The following SPIRE2 variants were observed in gnomAD, a reference collection of about 807,000 sequenced individuals.
SPIRE2 encodes protein spire homolog 2.
Under a neutral mutation model 80.7 loss-of-function variants are expected in SPIRE2, and 76 were observed. The observed-to-expected ratio is 0.94, with a 90% CI of 0.78 to 1.14. The LOEUF (loss-of-function observed/expected upper bound fraction) is 1.14, where lower values mean the gene tolerates loss of function less well. Ranked by LOEUF, SPIRE2 falls within the 50% of genes most tolerant of loss-of-function variation. The pLI is 0.00. For missense variants in SPIRE2, 1,196 were observed against 1,015.3 expected (o/e 1.18, Z -2.42); for synonymous variants, 535 against 432.6 (o/e 1.24, Z -2.94).
At chr16:89,839,070 T>C (rs1031949645) in intron 1 of SPIRE2, among the ~76,000 whole-genome samples, 1 of 150,328 alleles carries the variant, frequency 6.7e-6, no homozygotes, top group South Asian at 2.2e-4. Context: ...GGCTGGGCGC[T>C]GTGGCTCACG....
chr16:89,832,282 G>A (rs780713294), intron 1 of SPIRE2, among the ~76,000 whole-genome samples: 6 of 152,242 alleles, frequency 3.9e-5, no homozygotes, highest in Non-Finnish European at 8.8e-5. Context: ...CTGTTCTGCC[G>A]CTGGATCTGG....
Position 89,828,620 on chromosome 16 carries a change from C to G in SPIRE2, c.70C>G (p.Leu24Val), listed in dbSNP as rs1294042747. 1 of 1,326,982 alleles carries G rather than the reference C, an allele frequency of 7.5e-7. No homozygotes were observed. The highest frequency in any genetic ancestry group is 3.6e-5 in the East Asian group (1 of 27,440). 82.2% of individuals were successfully genotyped at this position (1,326,982 alleles called of 1,614,324 possible). ...AGRPEPWELS[L>V]EEVLKAYEQP... ...GCGGCCGGAGCCCTGGGAGCTGTCCCTGGAGGAGGTGCTGAAGGCCTACGA... is the reference window on the plus strand; with the variant it reads ...GCGGCCGGAGCCCTGGGAGCTGTCCGTGGAGGAGGTGCTGAAGGCCTACGA... The change falls in exon 1 of 15, where the codon CTG becomes GTG. Residue 24 changes from leucine to valine, a missense_variant. Leu to Val is a conservative substitution (Grantham distance 32). Coordinates refer to ENST00000378247, the MANE Select transcript of SPIRE2 (RefSeq NM_032451.2). This position sits in a 1 kb window ranked among gnomAD's most constrained non-coding sequence, Gnocchi z 5.9.
At chr16:89,845,221 G>C (rs1215069991) in intron 1 of SPIRE2, 101 bp from the exon 2 acceptor site, 1 of 1,048,456 alleles carries the variant, frequency 9.5e-7, no homozygotes. Flanking sequence ...GCGGAGAGTG[G>C]GGCTGTGGTG....
rs1351550068 is a variant in SPIRE2 at position 89,869,608 on chromosome 16, C to T, written c.1848C>T (p.Tyr616=). 4 of 1,614,010 alleles carry T rather than the reference C, an allele frequency of 2.5e-6. No individual in the cohort carries two copies. The African/African-American group carries it at 4.0e-5, about 16-fold the overall frequency. Reference sequence around the variant, plus strand: ...AGAAATTTGGACACATCCCTGTCTACACACTGGGCTTTGAGAGTCCTCAGA... The same window carrying T: ...AGAAATTTGGACACATCCCTGTCTATACACTGGGCTTTGAGAGTCCTCAGA... ...PSKKFGHIPV[Y]TLGFESPQRV... The change falls in exon 14 of 15, where the codon TAC becomes TAT. Residue 616 remains tyrosine, a synonymous_variant. Coordinates refer to ENST00000378247, the MANE Select transcript of SPIRE2 (RefSeq NM_032451.2).
intron 1 of SPIRE2, among the ~76,000 whole-genome samples, chr16:89,834,285 CGCT>C (rs2041419243): frequency 1.4e-5 from 2 of 139,854 alleles, no homozygotes; most frequent in Non-Finnish European, 3.2e-5. Context: ...AACCTGCCCG[CGCT>C]CGCGGTTGGC....
chr16:89,863,822 C>T lies in SPIRE2; in HGVS notation c.1739C>T (p.Pro580Leu), dbSNP rs140874196. The T allele has an allele frequency of 2.4e-5, 39 of 1,614,042 alleles. No homozygotes were observed. The highest frequency in any genetic ancestry group is 8.0e-5 in the African/African-American group (6 of 75,020). The change falls in exon 12 of 15, where the codon CCG becomes CTG. Residue 580 changes from proline (P) to leucine (L), a missense_variant. By Grantham distance (98) the Pro-to-Leu change is moderately conservative (BLOSUM62 -3). Coordinates refer to ENST00000378247, the MANE Select transcript of SPIRE2 (RefSeq NM_032451.2). This position sits in a 1 kb window ranked among gnomAD's most constrained non-coding sequence, Gnocchi z 4.3. Reference protein sequence around the residue: ...KICCCCRAKFPLFSWPPSCLF... With the variant: ...KICCCCRAKFLLFSWPPSCLF... ...TGCTGCTGCTGCCGGGCCAAGTTCCCGCTGTTCTCGTGGCCGCCCAGCTGT... is the reference window on the plus strand; with the variant it reads ...TGCTGCTGCTGCCGGGCCAAGTTCCTGCTGTTCTCGTGGCCGCCCAGCTGT...
At position 89,863,219 on chromosome 16, in the gene SPIRE2, T is replaced by G. The variant is rs1597223823; in HGVS notation, c.1576-257T>G. The G allele has an allele frequency of 1.2e-5, 6 of 513,760 alleles. No homozygotes were observed. Among genetic ancestry groups the G allele is most frequent in the Non-Finnish European group, 1.8e-5 (5 of 284,336 alleles). 31.8% of individuals were successfully genotyped at this position (513,760 alleles called of 1,614,324 possible). ...TTGAACAGACATGGGCTGAGGGGAG[T>G]TTGTGTGGAGCGTGGCCAGTGAAGG... On this transcript the variant is annotated intron_variant, in intron 10 of 14. Coordinates refer to ENST00000378247, the MANE Select transcript of SPIRE2 (RefSeq NM_032451.2). The surrounding 1 kb of genome is among the most constrained non-coding windows in gnomAD (Gnocchi z 4.3).
intron 2 of SPIRE2, 122 bp downstream of exon 2, chr16:89,845,487 A>G: frequency 1.1e-6 from 1 of 885,388 alleles, no homozygotes. Context: ...GTGCAGATGA[A>G]GTACCCAACA....
Position 89,858,513 on chromosome 16 carries a change from A to G in SPIRE2, c.1272+6A>G, listed in dbSNP as rs754678493. 8.9e-6 allele frequency: 14 copies of G among 1,565,706 alleles called. No homozygotes were observed. In the African/African-American group the frequency reaches 1.6e-4, roughly 18 times the overall value. ...AAGAGATGAATACATCTGAGGTCAGAACCCATGGGGATTCCTGAAAAGAGA... is the reference window on the plus strand; with the variant it reads ...AAGAGATGAATACATCTGAGGTCAGGACCCATGGGGATTCCTGAAAAGAGA... On this transcript the variant is annotated splice_donor_region_variant and intron_variant, in intron 8 of 14. Transcript: ENST00000378247.
chr16:89,856,713 G>A (rs1010968254), intron 7 of SPIRE2, among the ~76,000 whole-genome samples: 4 of 150,544 alleles, frequency 2.7e-5, no homozygotes, highest in East Asian at 4.0e-4. Context: ...GCCTGCCTTG[G>A]CCTCCCAAAA....
chr16:89,871,308 G>A lies in SPIRE2; in HGVS notation c.*1036G>A, dbSNP rs570186051. ...TGGCCACTCTTGGCCTAATAAAGGAGGTCTCACAGTCTTCTGTCTGGGATG... is the reference window on the plus strand; with the variant it reads ...TGGCCACTCTTGGCCTAATAAAGGAAGTCTCACAGTCTTCTGTCTGGGATG... On this transcript the variant is annotated 3_prime_UTR_variant, in exon 15 of 15. Transcript: ENST00000378247. 1 of 152,398 alleles carries A rather than the reference G, an allele frequency of 6.6e-6. No individual in the cohort carries two copies. Among genetic ancestry groups the A allele is most frequent in the East Asian group, 1.9e-4 (1 of 5,190 alleles). 9.4% of individuals were successfully genotyped at this position (152,398 alleles called of 1,614,324 possible).
At chr16:89,830,426 G>A (rs62054252) in intron 1 of SPIRE2, among the ~76,000 whole-genome samples, 10,047 of 151,192 alleles carry the variant, frequency 0.066, 898 homozygotes, top group East Asian at 0.24. Context: ...CTCTCTTGAA[G>A]GTTTAAGAAA....
chr16:89,866,918 T>C (rs2041794801), intron 12 of SPIRE2, among the ~76,000 whole-genome samples: 1 of 151,970 alleles, frequency 6.6e-6, no homozygotes, highest in Non-Finnish European at 1.5e-5. Context: ...CTTGAATTTT[T>C]TATAAGAAGG....
At chr16:89,840,939 A>T (rs979488329) in intron 1 of SPIRE2, among the ~76,000 whole-genome samples, 2 of 152,002 alleles carry the variant, frequency 1.3e-5, no homozygotes, top group Non-Finnish European at 2.9e-5. Flanking sequence ...GCCCAGCTGA[A>T]ACCTGTCATC....
chr16:89,854,473 C>A lies in SPIRE2; in HGVS notation c.727-14C>A, dbSNP rs1276624214. 3.1e-6 allele frequency: 5 copies of A among 1,611,362 alleles called. No individual in the cohort carries two copies. The highest frequency in any genetic ancestry group is 4.2e-6 in the Non-Finnish European group (5 of 1,179,062). On this transcript the variant is annotated splice_polypyrimidine_tract_variant and intron_variant, in intron 4 of 14. Transcript: ENST00000378247. Reference sequence around the variant, plus strand: ...ACCTGGGGCTGAGACCCATTCTCTTCCCCTGGGGCCCAGGCCCGACTGTGG... The same window carrying A: ...ACCTGGGGCTGAGACCCATTCTCTTACCCTGGGGCCCAGGCCCGACTGTGG...
intron 2 of SPIRE2, among the ~76,000 whole-genome samples, chr16:89,847,621 G>T (rs1409823553): frequency 1.3e-5 from 2 of 152,150 alleles, no homozygotes; most frequent in Non-Finnish European, 2.9e-5. Context: ...TTAACGTCTC[G>T]CTCCTGGATT....
chr16:89,837,778 G>A (rs1053511088), intron 1 of SPIRE2, among the ~76,000 whole-genome samples: 3 of 152,184 alleles, frequency 2.0e-5, no homozygotes, highest in Non-Finnish European at 4.4e-5. Flanking sequence ...CCCGTGCGGG[G>A]GGCGTGTGAG....
rs988836913 is a variant in SPIRE2 at position 89,852,020 on chromosome 16, C to G, written c.645+1360C>G. Among the ~76,000 whole-genome samples the G allele has an allele frequency of 1.3e-5, 2 of 150,116 alleles. 1 individual carries two copies. The highest frequency in any genetic ancestry group is 4.9e-5 in the African/African-American group (2 of 40,528). The stretch of plus-strand genomic sequence containing the variant: ...GTGCCAAGGTTGGACGGCTCTCCCC[C>G]CACCCCCCAGATCCCCTGGCCCATC... On this transcript the variant is annotated intron_variant, in intron 3 of 14. Coordinates refer to ENST00000378247, the MANE Select transcript of SPIRE2 (RefSeq NM_032451.2).
Position 89,863,849 on chromosome 16 carries a change from T to C in SPIRE2, c.1766T>C (p.Leu589Pro). The C allele has an allele frequency of 6.2e-7, 1 of 1,613,642 alleles. No individual in the cohort carries two copies. Among genetic ancestry groups the C allele is most frequent in the Non-Finnish European group, 8.5e-7 (1 of 1,179,768 alleles). The change falls in exon 12 of 15, where the codon CTC (leucine) becomes CCC (proline). Residue 589 changes from leucine to proline, a missense_variant. By Grantham distance (98) the Leu-to-Pro change is moderately conservative (BLOSUM62 -3). Coordinates refer to ENST00000378247, the MANE Select transcript of SPIRE2 (RefSeq NM_032451.2). The surrounding 1 kb of genome is among the most constrained non-coding windows in gnomAD (Gnocchi z 4.3). Reference sequence around the variant, plus strand: ...CTGTTCTCGTGGCCGCCCAGCTGTCTCTTCTGCAAGAGGTGAGCCTTCCCT... The same window carrying C: ...CTGTTCTCGTGGCCGCCCAGCTGTCCCTTCTGCAAGAGGTGAGCCTTCCCT... The part of the protein sequence containing the change: ...FPLFSWPPSC[L>P]FCKRAVCTSC...
Sources: gnomAD v4.1 joint callset for allele counts (sites outside exome capture counted in the v4.1 genomes callset) on GRCh38, gnomAD v4.1.1 for gene constraint, Gnocchi (gnomAD v3.1) non-coding constraint, MANE v1.5 for transcripts, NCBI Gene and HGNC (gene_info 2026-07-23, HGNC 2026-07-21) for gene names.